Variants in BCAS3 observed in about 807,000 individuals in gnomAD.
The protein encoded by BCAS3 is BCAS4/BCAS3 fusion.
A neutral mutation model predicts 116.1 loss-of-function variants in BCAS3; 53 were observed. The observed-to-expected ratio is 0.46, with a 90% confidence interval of 0.37 to 0.57. The LOEUF is 0.57. Among genes scored for constraint, BCAS3 ranks in the 20% least tolerant of loss-of-function variants. The probability of loss-of-function intolerance (pLI) is 0.00; values close to 1 mark genes in which losing one functional copy is unlikely to be tolerated. For missense variants in BCAS3, 917 were observed against 1,165.4 expected (o/e 0.79, Z 3.10); for synonymous variants, 391 against 408.2 (o/e 0.96, Z 0.51).
chr17:61,093,978 A>G (rs2073801076), intron 22 of BCAS3, among the ~76,000 whole-genome samples: 1 of 152,206 alleles, frequency 6.6e-6, no homozygotes, highest in African/African-American at 2.4e-5. Context: ...TGGTCTATTA[A>G]GTCAAAATTA....
chr17:61,340,176 T>C (rs1371691149), intron 22 of BCAS3, among the ~76,000 whole-genome samples: 1 of 151,860 alleles, frequency 6.6e-6, no homozygotes, highest in African/African-American at 2.4e-5. Context: ...ATGGGGGCGG[T>C]AACTAGAAGA....
At chr17:60,780,461 C>G (rs957134859) in intron 6 of BCAS3, among the ~76,000 whole-genome samples, 30 of 151,984 alleles carry the variant, frequency 2.0e-4, no homozygotes, top group African/African-American at 6.8e-4. Context: ...CGCCACCATG[C>G]CTGGCTAATT....
chr17:61,251,912 C>G lies in BCAS3; in HGVS notation c.2426-116415C>G, dbSNP rs937104760. Among the ~76,000 whole-genome samples, 1 of 152,062 alleles carries G rather than the reference C, an allele frequency of 6.6e-6. No homozygotes were observed. The highest frequency in any genetic ancestry group is 1.5e-5 in the Non-Finnish European group (1 of 68,034). On this transcript the variant is annotated intron_variant, in intron 22 of 23. Coordinates refer to ENST00000407086, the MANE Select transcript of BCAS3 (RefSeq NM_017679.5). The surrounding 1 kb of genome is among the most constrained non-coding windows in gnomAD (Gnocchi z 4.7). ...TAATGAAGATCCCAAATATGTGAGC[C>G]TTCTATCAAGCTTGATCTCAAGGAA...
chr17:60,850,354 T>G (rs1429082570), intron 7 of BCAS3, among the ~76,000 whole-genome samples: 29 of 137,282 alleles, frequency 2.1e-4, no homozygotes, highest in African/African-American at 8.2e-4. Context: ...TGTTTTTTTT[T>G]TTTTTTTTTT....
At chr17:61,117,856 C>G (rs1404944291) in intron 22 of BCAS3, among the ~76,000 whole-genome samples, 1 of 152,078 alleles carries the variant, frequency 6.6e-6, no homozygotes, top group African/African-American at 2.4e-5. Context: ...CCTACATTGA[C>G]AAGTGATATA....
At chr17:61,272,722 C>T (rs1016155438) in intron 22 of BCAS3, among the ~76,000 whole-genome samples, 2 of 141,104 alleles carry the variant, frequency 1.4e-5, no homozygotes, top group South Asian at 2.5e-4. Flanking sequence ...ATATATAAGT[C>T]GTAGTGTGTA....
In BCAS3 at chr17:61,366,140, C is replaced by CA. The variant is rs59436810; in HGVS notation, c.2426-2171dup. On this transcript the variant is annotated intron_variant, in intron 22 of 23. Transcript: ENST00000407086. This position sits in a 1 kb window ranked among gnomAD's most constrained non-coding sequence, Gnocchi z 4.5. ...CCTGGGCGACAGAGTGAGACTGTCT[C>CA]AAAAAAAAAAAAAAAAGTTGAGCCA... Among the ~76,000 whole-genome samples, 204 of 137,624 alleles carry CA rather than the reference C, an allele frequency of 1.5e-3. No homozygotes were observed. Among genetic ancestry groups the CA allele is most frequent in the East Asian group, 2.4e-3 (11 of 4,518 alleles). 90.3% of individuals were successfully genotyped at this position (137,624 alleles called of 152,430 possible).
At chr17:60,951,764 C>CTTT (rs769133578) in intron 14 of BCAS3, among the ~76,000 whole-genome samples, 1,173 of 109,436 alleles carry the variant, frequency 0.011, no homozygotes, top group African/African-American at 0.025. Context: ...TCTTTTCTTT[C>CTTT]TTTTTTTTTT....
At chr17:61,262,228 G>C (rs2049266867) in intron 22 of BCAS3, among the ~76,000 whole-genome samples, 1 of 151,634 alleles carries the variant, frequency 6.6e-6, no homozygotes, top group African/African-American at 2.4e-5. Context: ...AAAAAAAAAA[G>C]ATCCTATTTG....
intron 9 of BCAS3, among the ~76,000 whole-genome samples, chr17:60,886,794 C>G (rs1273251824): frequency 6.6e-6 from 1 of 152,070 alleles, no homozygotes; most frequent in Non-Finnish European, 1.5e-5. Context: ...AGGAGGCAGT[C>G]TGCCGGTTCT....
At chr17:61,234,244 A>G (rs757959267) in intron 22 of BCAS3, among the ~76,000 whole-genome samples, 2 of 152,126 alleles carry the variant, frequency 1.3e-5, no homozygotes, top group Non-Finnish European at 2.9e-5. Flanking sequence ...CCCACTGAGT[A>G]CTAGGATACA....
rs2076893920 is a variant in BCAS3 at position 61,141,081 on chromosome 17, A to G, written c.2425+56517A>G. Reference sequence around the variant, plus strand: ...CTGTACAGCGGGACTAGGCTGGTTCATTTCAACACAGTAATGAGTATTCAT... The same window carrying G: ...CTGTACAGCGGGACTAGGCTGGTTCGTTTCAACACAGTAATGAGTATTCAT... On this transcript the variant is annotated intron_variant, in intron 22 of 23. Transcript: ENST00000407086. The surrounding 1 kb of genome is among the most constrained non-coding windows in gnomAD (Gnocchi z 4.3). Among the ~76,000 whole-genome samples, 1 of 152,076 alleles carries G rather than the reference A, an allele frequency of 6.6e-6. No individual in the cohort carries two copies. Among genetic ancestry groups the G allele is most frequent in the African/African-American group, 2.4e-5 (1 of 41,404 alleles).
intron 22 of BCAS3, among the ~76,000 whole-genome samples, chr17:61,312,650 C>A (rs2054406036): frequency 6.6e-6 from 1 of 152,124 alleles, no homozygotes; most frequent in Admixed American, 6.5e-5. Flanking sequence ...TCTAGTGTAC[C>A]AGGGGCCCTC....
rs2079984159 is a variant in BCAS3, at chr17:61,189,647, A to T, written c.2425+105083A>T. Among the ~76,000 whole-genome samples the T allele has an allele frequency of 6.6e-6, 1 of 152,226 alleles. No homozygotes were observed. The highest frequency in any genetic ancestry group is 1.5e-5 in the Non-Finnish European group (1 of 68,046). ...AATGGAGAGGAATAGAAAGTTGAAAAATAGCTACAAGTAAAAATTGTCAGG... is the reference window on the plus strand; with the variant it reads ...AATGGAGAGGAATAGAAAGTTGAAATATAGCTACAAGTAAAAATTGTCAGG... On this transcript the variant is annotated intron_variant, in intron 22 of 23. Coordinates refer to ENST00000407086, the MANE Select transcript of BCAS3 (RefSeq NM_017679.5). This position sits in a 1 kb window ranked among gnomAD's most constrained non-coding sequence, Gnocchi z 4.5.
At chr17:60,803,145 T>A (rs1214520039) in intron 6 of BCAS3, among the ~76,000 whole-genome samples, 2 of 152,238 alleles carry the variant, frequency 1.3e-5, no homozygotes, top group African/African-American at 4.8e-5. Context: ...ATATTAAGTA[T>A]TAATGTTGTC....
chr17:61,234,133 A>G (rs1445334397), intron 22 of BCAS3, among the ~76,000 whole-genome samples: 1 of 152,226 alleles, frequency 6.6e-6, no homozygotes, highest in African/African-American at 2.4e-5. Flanking sequence ...GAAATTCACA[A>G]TAGAAACCCC....
At chr17:60,776,986 C>T (rs1383708524) in intron 6 of BCAS3, among the ~76,000 whole-genome samples, 23 of 143,776 alleles carry the variant, frequency 1.6e-4, no homozygotes, top group South Asian at 4.3e-4. Flanking sequence ...CTGCACTCCA[C>T]GCTGGGCAAC....
At chr17:60,762,133 C>T (rs2043601165) in intron 6 of BCAS3, among the ~76,000 whole-genome samples, 2 of 152,068 alleles carry the variant, frequency 1.3e-5, no homozygotes, top group South Asian at 4.2e-4. Context: ...CAAAAGTTTT[C>T]TCCCATTCTG....
At chr17:61,329,956 G>A (rs2056125929) in intron 22 of BCAS3, among the ~76,000 whole-genome samples, 1 of 152,068 alleles carries the variant, frequency 6.6e-6, no homozygotes, top group Admixed American at 6.6e-5. Flanking sequence ...ACACTGTTAG[G>A]CGCTAGAAAT....
Sources: gnomAD v4.1 joint callset for allele counts (sites outside exome capture counted in the v4.1 genomes callset) on GRCh38, gnomAD v4.1.1 for gene constraint, Gnocchi (gnomAD v3.1) non-coding constraint, MANE v1.5 for transcripts, NCBI Gene and HGNC (gene_info 2026-07-23, HGNC 2026-07-21) for gene names.